The following PTPRD variants were observed in gnomAD, a reference collection of about 807,000 sequenced individuals.
The protein encoded by PTPRD is receptor-type tyrosine-protein phosphatase delta.
PTPRD carries 34 observed loss-of-function variants against 214.5 expected under a neutral mutation model. The ratio of observed to expected loss-of-function variants is 0.16; its 90% CI spans 0.12 to 0.21. The LOEUF (loss-of-function observed/expected upper bound fraction) is 0.21, where lower values mean the gene tolerates loss of function less well. Among genes scored for constraint, PTPRD ranks in the 10% least tolerant of loss-of-function variants. PTPRD has a pLI of 1.00. For missense variants in PTPRD, 2,545 were observed against 2,398.7 expected, an observed-to-expected ratio of 1.06 and a Z score of -1.27; for synonymous variants, 1,128 against 845.7, an observed-to-expected ratio of 1.33 and a Z score of -5.79.
chr9:8,332,715 G>A (rs1019059270), intron 43 of PTPRD, among the ~76,000 whole-genome samples: 3 of 152,106 alleles, frequency 2.0e-5, no homozygotes, highest in Non-Finnish European at 4.4e-5. Context: ...GTGGAAGGGA[G>A]CCTCTGTTTA....
chr9:8,930,485 G>C (rs2098944921), intron 11 of PTPRD, among the ~76,000 whole-genome samples: 1 of 152,226 alleles, frequency 6.6e-6, no homozygotes, highest in Admixed American at 6.5e-5. Flanking sequence ...CCAGTAATGG[G>C]ATGGCTGGGT....
rs967470841 is a variant in PTPRD, at chr9:9,091,085, T to C, written c.-142-72350A>G. 4 of 1,444,230 alleles carry C rather than the reference T, an allele frequency of 2.8e-6. No homozygotes were observed. In the African/African-American group the frequency reaches 5.6e-5, roughly 20 times the overall value. 89.5% of individuals were successfully genotyped at this position (1,444,230 alleles called of 1,614,324 possible). A position where few individuals can be genotyped will look rare whatever the true frequency, so the allele number is the denominator to read the frequency against. On this transcript the variant is annotated intron_variant, in intron 10 of 45. Transcript: ENST00000381196. ...GAAGCGAGCGTCTTCGATGCCTATG[T>C]GCTTCCCAAGCTGTATGTGAAGCTA...
chr9:10,020,365 G>C (rs551688829), intron 4 of PTPRD, among the ~76,000 whole-genome samples: 1 of 149,238 alleles, frequency 6.7e-6, no homozygotes, highest in African/African-American at 2.5e-5. Context: ...GCAGTGGCAT[G>C]ATCTCGGCTC....
intron 2 of PTPRD, among the ~76,000 whole-genome samples, chr9:10,599,364 T>C (rs951382504): frequency 6.6e-6 from 1 of 151,844 alleles, no homozygotes; most frequent in Admixed American, 6.6e-5. Flanking sequence ...GGAAGTCTTA[T>C]GGTTACAGTA....
In PTPRD at chr9:10,563,070, A is replaced by C. The variant is rs75542552; in HGVS notation, c.-600+49328T>G. 7.9e-3 allele frequency among the ~76,000 whole-genome samples: 1,203 copies of C among 152,322 alleles called. 9 individuals are homozygous for C. The highest frequency in any genetic ancestry group is 9.7e-3 in the Non-Finnish European group (662 of 68,024). The stretch of plus-strand genomic sequence containing the variant: ...TAATCTGTGGGAATGCCTATCCTTC[A>C]AATATTCCCTAGGGCATGATATCTG... On this transcript the variant is annotated intron_variant, in intron 2 of 45. Coordinates refer to ENST00000381196, the MANE Select transcript of PTPRD (RefSeq NM_002839.4).
At chr9:9,832,230 T>C (rs1335584755) in intron 5 of PTPRD, among the ~76,000 whole-genome samples, 1 of 151,896 alleles carries the variant, frequency 6.6e-6, no homozygotes, top group African/African-American at 2.4e-5. Flanking sequence ...GGGAAGTAGA[T>C]CTTGGAGTAG....
chr9:8,571,110 A>T (rs1472595714), intron 14 of PTPRD, among the ~76,000 whole-genome samples: 1 of 152,024 alleles, frequency 6.6e-6, no homozygotes, highest in Non-Finnish European at 1.5e-5. Flanking sequence ...TCCATTTATC[A>T]ATTTTTACCT....
chr9:10,074,723 A>C (rs895754535), intron 3 of PTPRD, among the ~76,000 whole-genome samples: 1 of 152,058 alleles, frequency 6.6e-6, no homozygotes, highest in Non-Finnish European at 1.5e-5. Flanking sequence ...AACTTCCTGC[A>C]CATGTTGTGC....
At chr9:8,769,630 A>C (rs1255878981) in intron 11 of PTPRD, among the ~76,000 whole-genome samples, 1 of 152,134 alleles carries the variant, frequency 6.6e-6, no homozygotes, top group Non-Finnish European at 1.5e-5. Flanking sequence ...TTTCTCTCTA[A>C]ACATCAGCCC....
intron 3 of PTPRD, among the ~76,000 whole-genome samples, chr9:10,050,773 C>T (rs550370802): frequency 1.3e-4 from 20 of 151,698 alleles, no homozygotes; most frequent in East Asian, 1.9e-4. Flanking sequence ...TTTATTTTAT[C>T]GTATCTTTCA....
intron 39 of PTPRD, among the ~76,000 whole-genome samples, chr9:8,363,087 A>G (rs1177130976): frequency 6.6e-6 from 1 of 152,208 alleles, no homozygotes; most frequent in Non-Finnish European, 1.5e-5. Flanking sequence ...AACATAGATT[A>G]TATCTGGAGA....
At chr9:10,197,289 G>A (rs575573715) in intron 3 of PTPRD, among the ~76,000 whole-genome samples, 4 of 152,098 alleles carry the variant, frequency 2.6e-5, no homozygotes, top group South Asian at 2.1e-4. Flanking sequence ...TATAAATTTA[G>A]TCAATGAGAA....
Position 9,612,652 on chromosome 9 carries a change from T to A in PTPRD, c.-286-37871A>T, listed in dbSNP as rs867986913. Among the ~76,000 whole-genome samples, 18 of 152,128 alleles carry A rather than the reference T, an allele frequency of 1.2e-4. No individual in the cohort carries two copies. In the Middle Eastern group the frequency reaches 0.01, roughly 86 times the overall value. Reference sequence around the variant, plus strand: ...CAGCCAATTATCCTAAGATAGTAATTATTGTAATTTTTCACTACAATCTTT... The same window carrying A: ...CAGCCAATTATCCTAAGATAGTAATAATTGTAATTTTTCACTACAATCTTT... On this transcript the variant is annotated intron_variant, in intron 7 of 45. Transcript: ENST00000381196.
chr9:9,753,308 A>C (rs1320778025), intron 6 of PTPRD, among the ~76,000 whole-genome samples: 1 of 151,982 alleles, frequency 6.6e-6, no homozygotes, highest in Non-Finnish European at 1.5e-5. Flanking sequence ...TAACACCAAT[A>C]CAGGGACCCC....
At chr9:9,096,772 T>C (rs2099784129) in intron 10 of PTPRD, among the ~76,000 whole-genome samples, 1 of 152,206 alleles carries the variant, frequency 6.6e-6, no homozygotes, top group South Asian at 2.1e-4. Flanking sequence ...TTATGTGTTG[T>C]GCTAAAGTAA....
chr9:10,547,162 G>A (rs1212606458), intron 2 of PTPRD, among the ~76,000 whole-genome samples: 3 of 152,054 alleles, frequency 2.0e-5, no homozygotes, highest in African/African-American at 7.2e-5. Context: ...GGGGCAGGGT[G>A]GGGATGACAG....
chr9:10,220,642 A>G (rs193155103), intron 3 of PTPRD, among the ~76,000 whole-genome samples: 4 of 152,032 alleles, frequency 2.6e-5, no homozygotes, highest in African/African-American at 9.6e-5. Context: ...TGCCTAAGAG[A>G]CATAAAATAT....
intron 14 of PTPRD, among the ~76,000 whole-genome samples, chr9:8,536,963 G>C (rs1284032217): frequency 6.6e-6 from 1 of 151,978 alleles, no homozygotes; most frequent in East Asian, 1.9e-4. Flanking sequence ...ACAGTATCAG[G>C]CTACAAACAA....
At chr9:9,676,888 A>AT (rs996603058) in intron 7 of PTPRD, among the ~76,000 whole-genome samples, 1 of 151,948 alleles carries the variant, frequency 6.6e-6, no homozygotes. Context: ...GATGATGAGC[A>AT]TTTTTTCATG....
Sources: gnomAD v4.1 joint callset for allele counts (sites outside exome capture counted in the v4.1 genomes callset) on GRCh38, gnomAD v4.1.1 for gene constraint, MANE v1.5 for transcripts, NCBI Gene and HGNC (gene_info 2026-07-23, HGNC 2026-07-21) for gene names.